KLF8: variants seen among roughly 807,000 people sequenced by gnomAD.
KLF8 encodes the protein KLF transcription factor 8, also known as Krueppel-like factor 8.
Under a neutral mutation model 18.2 loss-of-function variants are expected in KLF8, and 10 were observed. The ratio of observed to expected loss-of-function variants is 0.55; its 90% CI spans 0.34 to 0.93. KLF8 has a LOEUF of 0.93. KLF8 is among the 40% of genes least tolerant of loss of function. The pLI, the probability that KLF8 is intolerant of heterozygous loss-of-function variation, is 0.02. For missense variants in KLF8, 264 were observed against 277.9 expected (o/e 0.95, Z 0.36); for synonymous variants, 109 against 97.3 (o/e 1.12, Z -0.71).
At chrX:55,990,936 A>T in the KLF8 span, among the ~76,000 whole-genome samples, 282 of 112,434 alleles carry the variant, frequency 2.5e-3, 1 homozygote, top group Non-Finnish European at 4.6e-3. Context: ...CAATTAGGCT[A>T]CTTGTGGGTC....
At chrX:56,233,454 G>C in intron 1 of KLF8, 113 bp downstream of exon 1, 1 of 600,942 alleles carries the variant, frequency 1.7e-6, no homozygotes, top group South Asian at 2.5e-5. Context: ...TTCAGCAGTG[G>C]GGGCGGGAGC....
chrX:56,204,912 G>A, the KLF8 span, among the ~76,000 whole-genome samples: 27 of 110,800 alleles, frequency 2.4e-4, no homozygotes, highest in African/African-American at 7.9e-4. Flanking sequence ...GAGAGTATGT[G>A]TGACATGCTT....
the KLF8 span, among the ~76,000 whole-genome samples, chrX:56,008,103 T>C: frequency 9.4e-6 from 1 of 106,094 alleles, no homozygotes; most frequent in Non-Finnish European, 1.9e-5. Context: ...TAACTGGAAT[T>C]TTATTAGTGC....
the KLF8 span, among the ~76,000 whole-genome samples, chrX:56,029,825 A>T: frequency 1.8e-5 from 2 of 110,978 alleles, no homozygotes; most frequent in Non-Finnish European, 3.8e-5. Context: ...CTTCGTGGGG[A>T]TTCCCCTAAT....
At chrX:56,164,856 C>T in the KLF8 span, among the ~76,000 whole-genome samples, 8 of 89,400 alleles carry the variant, frequency 8.9e-5, no homozygotes, top group East Asian at 2.2e-3. Context: ...CACCCACTAA[C>T]GTGTCATCTA....
chrX:56,107,221 G>A, the KLF8 span, among the ~76,000 whole-genome samples: 1 of 112,187 alleles, frequency 8.9e-6, no homozygotes, highest in Non-Finnish European at 1.9e-5. Flanking sequence ...GAGCTCAAAC[G>A]CTTTGCTGGG....
At chrX:56,079,116 G>T in the KLF8 span, among the ~76,000 whole-genome samples, 3,049 of 110,596 alleles carry the variant, frequency 0.028, 104 homozygotes, top group African/African-American at 0.096. Flanking sequence ...TTAATTTTTT[G>T]AAGGGTTTTT....
chrX:56,166,979 GA>G, the KLF8 span, among the ~76,000 whole-genome samples: 2 of 111,455 alleles, frequency 1.8e-5, no homozygotes, highest in African/African-American at 6.5e-5. Flanking sequence ...CATGTGTTTG[GA>G]AACATGATGT....
At chrX:55,990,271 TAG>T in the KLF8 span, among the ~76,000 whole-genome samples, 1 of 111,944 alleles carries the variant, frequency 8.9e-6, no homozygotes, top group Non-Finnish European at 1.9e-5. Context: ...GTTGCTTCTC[TAG>T]TTCTTTTAAT....
intron 5 of KLF8, among the ~76,000 whole-genome samples, chrX:56,281,382 G>A (rs888577415): frequency 8.9e-6 from 1 of 111,820 alleles, no homozygotes; most frequent in Non-Finnish European, 1.9e-5. Context: ...TAACCCAGAG[G>A]TTATTAGCTA....
chrX:56,104,059 A>T, the KLF8 span, among the ~76,000 whole-genome samples: 1 of 112,039 alleles, frequency 8.9e-6, no homozygotes, highest in Non-Finnish European at 1.9e-5. Context: ...CCAGGGATGA[A>T]GCCCACTTGA....
chrX:56,088,024 CATTT>C, the KLF8 span, among the ~76,000 whole-genome samples: 1 of 110,540 alleles, frequency 9.0e-6, no homozygotes, highest in Non-Finnish European at 1.9e-5. Context: ...TTTTAGGTAA[CATTT>C]ATTCTCTGAA....
chrX:56,185,634 G>A, the KLF8 span, among the ~76,000 whole-genome samples: 1 of 112,036 alleles, frequency 8.9e-6, no homozygotes, highest in Non-Finnish European at 1.9e-5. Context: ...GAAAGGTCGA[G>A]TTACCTACAA....
At chrX:55,916,138 G>C in the KLF8 span, among the ~76,000 whole-genome samples, 4 of 112,046 alleles carry the variant, frequency 3.6e-5, no homozygotes, top group South Asian at 7.4e-4. Flanking sequence ...AACCAGCTCT[G>C]ATCAGGAAGC....
At chrX:56,083,163 G>T in the KLF8 span, among the ~76,000 whole-genome samples, 2 of 111,536 alleles carry the variant, frequency 1.8e-5, no homozygotes, top group Admixed American at 1.9e-4. Context: ...AAATTATTTG[G>T]CTTGATGGTG....
At chrX:55,984,480 G>A in the KLF8 span, among the ~76,000 whole-genome samples, 1 of 111,437 alleles carries the variant, frequency 9.0e-6, no homozygotes, top group Non-Finnish European at 1.9e-5. Flanking sequence ...TGGTGTATAT[G>A]TACATGGTGT....
chrX:55,939,260 T>C, the KLF8 span, among the ~76,000 whole-genome samples: 1 of 111,538 alleles, frequency 9.0e-6, no homozygotes, highest in Non-Finnish European at 1.9e-5. Flanking sequence ...CTGAACAACC[T>C]GCTCCTGAAT....
chrX:55,983,199 A>AT, the KLF8 span, among the ~76,000 whole-genome samples: 1 of 111,078 alleles, frequency 9.0e-6, no homozygotes, highest in African/African-American at 3.3e-5. Flanking sequence ...CCATTTTTAT[A>AT]TTTTTTGTAG....
At chrX:55,950,049 AG>A in the KLF8 span, among the ~76,000 whole-genome samples, 6 of 111,488 alleles carry the variant, frequency 5.4e-5, no homozygotes, top group Non-Finnish European at 1.1e-4. Context: ...TAAAACCATT[AG>A]TTTCTCTACC....
Sources: allele counts gnomAD v4.1 joint callset (sites outside exome capture counted in the v4.1 genomes callset), GRCh38; gene constraint gnomAD v4.1.1; transcripts MANE v1.5; gene names NCBI Gene and HGNC (gene_info 2026-07-23, HGNC 2026-07-21).